HELZ: variants seen among roughly 807,000 people sequenced by gnomAD.
HELZ encodes the protein ATP-dependent RNA helicase with zinc finger domain.
Under a neutral mutation model 218.2 loss-of-function variants are expected in HELZ, and 23 were observed. The observed-to-expected ratio is 0.11, with a 90% CI of 0.08 to 0.15. The LOEUF (loss-of-function observed/expected upper bound fraction) is 0.15, where lower values mean the gene tolerates loss of function less well. Ranked by LOEUF, HELZ falls within the 10% of genes least tolerant of loss-of-function variation. HELZ has a pLI of 1.00. For missense variants in HELZ, 1,813 were observed against 2,353.7 expected, an observed-to-expected ratio of 0.77 and a Z score of 4.75; for synonymous variants, 814 against 829.4, an observed-to-expected ratio of 0.98 and a Z score of 0.32.
At chr17:67,235,254 C>G (rs1229688422) in intron 3 of HELZ, among the ~76,000 whole-genome samples, 1 of 152,040 alleles carries the variant, frequency 6.6e-6, no homozygotes, top group Non-Finnish European at 1.5e-5. Context: ...CACCTGTAAT[C>G]CCAGCACTTT....
chr17:67,188,222 T>C lies in HELZ; in HGVS notation c.1162+97A>G, dbSNP rs75441686. ...TTGGGATTTTTTTCTTTATTACTAT[T>C]CTCTTCCTATCCATGGAATATATTC... On this transcript the variant is annotated intron_variant, in intron 12 of 32. Transcript: ENST00000358691. This position sits in a 1 kb window ranked among gnomAD's most constrained non-coding sequence, Gnocchi z 4.1. 9.3e-4 allele frequency: 1,084 copies of C among 1,167,034 alleles called. 12 individuals carry two copies. In the African/African-American group the frequency reaches 0.015, roughly 16 times the overall value. 72.3% of individuals were successfully genotyped at this position (1,167,034 alleles called of 1,614,324 possible).
intron 6 of HELZ, 55 bp from the exon 7 acceptor site, chr17:67,201,240 T>C (rs2040161449): frequency 2.6e-6 from 3 of 1,161,252 alleles, no homozygotes; most frequent in East Asian, 2.3e-5. Context: ...TTCTTTACTA[T>C]GGCAACTTAG....
chr17:67,138,190 G>T, intron 21 of HELZ, 76 bp from the exon 22 acceptor site: 8 of 1,126,326 alleles, frequency 7.1e-6, no homozygotes, highest in Admixed American at 2.9e-5. Context: ...AACTAAAACT[G>T]ATTTATAAAG....
intron 31 of HELZ, among the ~76,000 whole-genome samples, chr17:67,102,889 C>G (rs968652022): frequency 5.3e-5 from 8 of 152,250 alleles, no homozygotes; most frequent in Middle Eastern, 3.4e-3. Flanking sequence ...CTTATTCACA[C>G]ACAAACAAAG....
At chr17:67,081,442 A>G (rs1010629498) in intron 32 of HELZ, among the ~76,000 whole-genome samples, 4 of 152,192 alleles carry the variant, frequency 2.6e-5, no homozygotes, top group African/African-American at 9.7e-5. Flanking sequence ...CAGAGAGGTG[A>G]GTTAGTTCCT....
At chr17:67,177,577 G>C (rs1045978294) in intron 13 of HELZ, among the ~76,000 whole-genome samples, 1 of 150,804 alleles carries the variant, frequency 6.6e-6, no homozygotes, top group Non-Finnish European at 1.5e-5. Flanking sequence ...AGGAATCCAT[G>C]ATAATATAAA....
At chr17:67,102,898 A>G (rs907762350) in intron 31 of HELZ, among the ~76,000 whole-genome samples, 2 of 152,216 alleles carry the variant, frequency 1.3e-5, no homozygotes, top group African/African-American at 4.8e-5. Context: ...ACACAAACAA[A>G]GATAACAGAA....
intron 26 of HELZ, among the ~76,000 whole-genome samples, chr17:67,121,406 G>C (rs898247847): frequency 2.6e-5 from 4 of 152,206 alleles, no homozygotes; most frequent in African/African-American, 9.6e-5. Flanking sequence ...TTGCCAAGCT[G>C]TCTGGAAGAA....
intron 31 of HELZ, among the ~76,000 whole-genome samples, chr17:67,087,597 G>C (rs565750057): frequency 6.6e-6 from 1 of 152,072 alleles, no homozygotes; most frequent in Non-Finnish European, 1.5e-5. Context: ...AGACCTGATG[G>C]CAAGATGTGA....
chr17:67,101,236 G>T (rs907321546), intron 31 of HELZ, among the ~76,000 whole-genome samples: 4 of 152,080 alleles, frequency 2.6e-5, no homozygotes, highest in Non-Finnish European at 5.9e-5. Context: ...CAAGTTTAAT[G>T]TATTTCAAAT....
intron 21 of HELZ, among the ~76,000 whole-genome samples, chr17:67,143,002 A>G (rs1345116932): frequency 6.6e-6 from 1 of 152,010 alleles, no homozygotes; most frequent in East Asian, 1.9e-4. Context: ...CTCAAGCAAT[A>G]TATCGACCTC....
intron 13 of HELZ, among the ~76,000 whole-genome samples, chr17:67,175,348 T>C (rs142936465): frequency 6.6e-6 from 1 of 152,310 alleles, no homozygotes; most frequent in African/African-American, 2.4e-5. Flanking sequence ...CATAGCTTAG[T>C]AGCTGCATAG....
chr17:67,161,661 C>T (rs1277210512), intron 15 of HELZ, among the ~76,000 whole-genome samples: 1 of 152,092 alleles, frequency 6.6e-6, no homozygotes, highest in Non-Finnish European at 1.5e-5. Flanking sequence ...AAAAGCCAAA[C>T]AAAATAAAAT....
At chr17:67,081,088 A>G (rs1298601591) in intron 32 of HELZ, among the ~76,000 whole-genome samples, 2 of 152,264 alleles carry the variant, frequency 1.3e-5, no homozygotes, top group African/African-American at 2.4e-5. Flanking sequence ...TAGCTTGAAG[A>G]TAAGCCACTT....
rs1464221980 is a variant in HELZ, at chr17:67,076,419, G to C, written c.*1833C>G. 6.6e-6 allele frequency: 1 copy of C among 152,176 alleles called. No homozygotes were observed. The highest frequency in any genetic ancestry group is 1.5e-5 in the Non-Finnish European group (1 of 68,042). 9.4% of individuals were successfully genotyped at this position (152,176 alleles called of 1,614,324 possible). A position where few individuals can be genotyped will look rare whatever the true frequency, so the allele number is the denominator to read the frequency against. On this transcript the variant is annotated 3_prime_UTR_variant, in exon 33 of 33. Transcript: ENST00000358691. ...AGTGGTGCTGTAACTTGCCGGCTCAGTTTTCCAGCTGTGATTTATGCTAAC... is the reference window on the plus strand; with the variant it reads ...AGTGGTGCTGTAACTTGCCGGCTCACTTTTCCAGCTGTGATTTATGCTAAC...
At chr17:67,119,305 T>TA (rs1222463933) in intron 27 of HELZ, among the ~76,000 whole-genome samples, 3 of 152,148 alleles carry the variant, frequency 2.0e-5, no homozygotes, top group Non-Finnish European at 4.4e-5. Flanking sequence ...AACTGAATAC[T>TA]AACGGTAAAA....
At chr17:67,093,045 G>C (rs1396645125) in intron 31 of HELZ, among the ~76,000 whole-genome samples, 1 of 152,046 alleles carries the variant, frequency 6.6e-6, no homozygotes, top group Non-Finnish European at 1.5e-5. Flanking sequence ...AGATGAACAA[G>C]TTGAAAAAAG....
In HELZ at chr17:67,142,808, G is replaced by A. The variant is rs114450978; in HGVS notation, c.2769+2935C>T. On this transcript the variant is annotated intron_variant, in intron 21 of 32. Transcript: ENST00000358691. Reference sequence around the variant, plus strand: ...GTCTAGCTCTGTCACCCAGGCTACAGTGCGGTGGCACAATCTCAGCTCACT... The same window carrying A: ...GTCTAGCTCTGTCACCCAGGCTACAATGCGGTGGCACAATCTCAGCTCACT... Among the ~76,000 whole-genome samples, 766 of 152,154 alleles carry A rather than the reference G, an allele frequency of 5.0e-3. 7 individuals carry two copies. The highest frequency in any genetic ancestry group is 0.018 in the African/African-American group (727 of 41,528).
At chr17:67,079,769 T>TA (rs2143524605) in intron 32 of HELZ, among the ~76,000 whole-genome samples, 1 of 152,360 alleles carries the variant, frequency 6.6e-6, no homozygotes, top group East Asian at 1.9e-4. Flanking sequence ...CTTGTTGTGG[T>TA]TACAGTTTGC....
Sources: gnomAD v4.1 joint callset for allele counts (sites outside exome capture counted in the v4.1 genomes callset) on GRCh38, gnomAD v4.1.1 for gene constraint, Gnocchi (gnomAD v3.1) non-coding constraint, MANE v1.5 for transcripts, NCBI Gene and HGNC (gene_info 2026-07-23, HGNC 2026-07-21) for gene names.